The following ZNF780B variants were observed in gnomAD, a reference collection of about 807,000 sequenced individuals.
ZNF780B encodes the protein zinc finger protein 780B.
A neutral mutation model predicts 74.1 loss-of-function variants in ZNF780B; 52 were observed. The observed-to-expected ratio is 0.70, with a 90% CI of 0.56 to 0.88. The LOEUF (loss-of-function observed/expected upper bound fraction) is 0.88, where lower values mean the gene tolerates loss of function less well. ZNF780B is among the 40% of genes least tolerant of loss of function. ZNF780B has a pLI of 0.00. For synonymous variants in ZNF780B, 315 were observed against 324.3 expected (o/e 0.97, Z 0.31); for missense variants, 953 against 1,007.6 (o/e 0.95, Z 0.73).
chr19:40,030,431 C>T lies in ZNF780B; in HGVS notation c.*3926G>A, dbSNP rs1390914964. The T allele has an allele frequency of 6.6e-6, 1 of 152,166 alleles. No homozygotes were observed. Among genetic ancestry groups the T allele is most frequent in the Non-Finnish European group, 1.5e-5 (1 of 68,040 alleles). 9.4% of individuals were successfully genotyped at this position (152,166 alleles called of 1,614,324 possible). On this transcript the variant is annotated 3_prime_UTR_variant, in exon 5 of 5. Transcript: ENST00000434248. ...GGATCTTCTCCCATGACCCACACAC[C>T]TCCCATTAGGCCCCACCTCCAACAT...
intron 1 of ZNF780B, among the ~76,000 whole-genome samples, chr19:40,051,215 C>T (rs919403648): frequency 5.5e-5 from 8 of 144,750 alleles, no homozygotes; most frequent in African/African-American, 2.1e-4. Flanking sequence ...ATTATATTCA[C>T]ACACACACAC....
chr19:40,032,911 CATG>C lies in ZNF780B; in HGVS notation c.*1443_*1445del, dbSNP rs1327787101. The C allele has an allele frequency of 2.6e-5, 4 of 152,820 alleles. No homozygotes were observed. The highest frequency in any genetic ancestry group is 5.9e-5 in the Non-Finnish European group (4 of 68,092). 9.5% of individuals were successfully genotyped at this position (152,820 alleles called of 1,614,324 possible). On this transcript the variant is annotated 3_prime_UTR_variant, in exon 5 of 5. Coordinates refer to ENST00000434248, the MANE Select transcript of ZNF780B (RefSeq NM_001005851.3). ...GCTGATGTAACAAGGAGTAAAGTGT[CATG>C]ATATCTAAAACTTATTCTCAATGGT...
chr19:40,045,302 C>G (rs1021380739), intron 4 of ZNF780B, among the ~76,000 whole-genome samples: 9 of 151,956 alleles, frequency 5.9e-5, no homozygotes, highest in South Asian at 2.1e-4. Context: ...AGAAAATTAA[C>G]AAAGAAACAT....
chr19:40,038,420 G>A (rs946197188), intron 4 of ZNF780B, among the ~76,000 whole-genome samples: 1 of 151,874 alleles, frequency 6.6e-6, no homozygotes, highest in African/African-American at 2.4e-5. Flanking sequence ...AATCCTTTAG[G>A]TATATACACA....
rs1972051553 is a variant in ZNF780B at position 40,032,670 on chromosome 19, A to T, written c.*1687T>A. 6.5e-6 allele frequency: 1 copy of T among 153,342 alleles called. No individual in the cohort carries two copies. The highest frequency in any genetic ancestry group is 1.4e-5 in the Non-Finnish European group (1 of 70,086). The allele number at this position is 153,342 out of a possible 1,614,324, so 9.5% of individuals were successfully genotyped here. On this transcript the variant is annotated 3_prime_UTR_variant, in exon 5 of 5. Coordinates refer to ENST00000434248, the MANE Select transcript of ZNF780B (RefSeq NM_001005851.3). Reference sequence around the variant, plus strand: ...GAGGCAGAGCTTGCAGTGAGCCCAGATCGCACCACTGCACTCCAGTCTGGG... The same window carrying T: ...GAGGCAGAGCTTGCAGTGAGCCCAGTTCGCACCACTGCACTCCAGTCTGGG...
chr19:40,049,071 A>AAAAG (rs1002204662), intron 2 of ZNF780B: 7 of 379,644 alleles, frequency 1.8e-5, no homozygotes, highest in African/African-American at 1.3e-4. Flanking sequence ...AAAAAAAAAA[A>AAAAG]AAAGAAAGAA....
intron 1 of ZNF780B, chr19:40,055,642 G>A (rs1288527622): frequency 1.3e-5 from 2 of 152,142 alleles, no homozygotes; most frequent in Admixed American, 6.5e-5. Flanking sequence ...CTGGTTCCTG[G>A]GGACAGATCT....
intron 2 of ZNF780B, among the ~76,000 whole-genome samples, chr19:40,050,080 C>T (rs1452099082): frequency 6.6e-6 from 1 of 151,538 alleles, no homozygotes; most frequent in East Asian, 1.9e-4. Flanking sequence ...GCCTGTAGTC[C>T]CAGCTACTCG....
intron 4 of ZNF780B, among the ~76,000 whole-genome samples, chr19:40,044,924 G>C (rs1972861776): frequency 6.6e-6 from 1 of 152,124 alleles, no homozygotes; most frequent in Non-Finnish European, 1.5e-5. Context: ...GAAAAAACAT[G>C]ATCCAACTAT....
In ZNF780B at chr19:40,048,748, A is replaced by G; in HGVS notation, c.58T>C (p.Trp20Arg). Reference sequence around the variant, plus strand: ...CTCTGATCAGGCTGCAGGCACTCCCACTCCTCCTGAGAGAAGTCAATGGCC... The same window carrying G: ...CTCTGATCAGGCTGCAGGCACTCCCGCTCCTCCTGAGAGAAGTCAATGGCC... ...DVAIDFSQEE[W>R]ECLQPDQRTL... is the part of the protein sequence containing the mutation. Residue 20 changes from tryptophan to arginine, a missense_variant, in exon 3 of 5, where the codon TGG becomes CGG. By Grantham distance (101) the Trp-to-Arg change is moderately radical (BLOSUM62 -3). Coordinates refer to ENST00000434248, the MANE Select transcript of ZNF780B (RefSeq NM_001005851.3). 9 of 1,614,012 alleles carry G rather than the reference A, an allele frequency of 5.6e-6. No homozygotes were observed. Among genetic ancestry groups the G allele is most frequent in the South Asian group, 1.1e-5 (1 of 91,080 alleles).
intron 1 of ZNF780B, among the ~76,000 whole-genome samples, chr19:40,054,302 G>A (rs574874446): frequency 6.6e-6 from 1 of 152,284 alleles, no homozygotes; most frequent in African/African-American, 2.4e-5. Flanking sequence ...AGAGAAATAA[G>A]CTCAAGAAAT....
intron 1 of ZNF780B, among the ~76,000 whole-genome samples, chr19:40,051,297 CA>C (rs1973221424): frequency 6.6e-6 from 1 of 150,766 alleles, no homozygotes; most frequent in Non-Finnish European, 1.5e-5. Context: ...TGTACATACA[CA>C]TTTTTTTTCT....
rs1971960497 is a variant in ZNF780B at position 40,029,893 on chromosome 19, TTA to T, written c.*4462_*4463del. The T allele has an allele frequency of 6.6e-6, 1 of 152,188 alleles. No individual in the cohort carries two copies. The highest frequency in any genetic ancestry group is 2.4e-5 in the African/African-American group (1 of 41,432). 9.4% of individuals were successfully genotyped at this position (152,188 alleles called of 1,614,324 possible). A position where few individuals can be genotyped will look rare whatever the true frequency, so the allele number is the denominator to read the frequency against. ...TGTAAATGGATTCCTACTGGCCACA[TTA>T]TGTCAATTTGAGCATAAATAATAAT... is the stretch of plus-strand genomic sequence containing the variant. On this transcript the variant is annotated 3_prime_UTR_variant, in exon 5 of 5. Coordinates refer to ENST00000434248, the MANE Select transcript of ZNF780B (RefSeq NM_001005851.3).
chr19:40,038,931 C>T (rs570817972), intron 4 of ZNF780B, among the ~76,000 whole-genome samples: 1,738 of 152,020 alleles, frequency 0.011, 26 homozygotes, highest in African/African-American at 0.04. Flanking sequence ...TCCCATTTGT[C>T]AATTTTGGCT....
In ZNF780B at chr19:40,055,162, G is replaced by A. The variant is rs144930582; in HGVS notation, c.-46+1027C>T. ...TAAAGCTTTAATATAAACCTCTGGAGGACTATTTTTATACCAGCTTAGAAG... is the reference window on the plus strand; with the variant it reads ...TAAAGCTTTAATATAAACCTCTGGAAGACTATTTTTATACCAGCTTAGAAG... On this transcript the variant is annotated intron_variant, in intron 1 of 4. Coordinates refer to ENST00000434248, the MANE Select transcript of ZNF780B (RefSeq NM_001005851.3). Among the ~76,000 whole-genome samples the A allele has an allele frequency of 1.2e-3, 175 of 152,106 alleles. 1 individual carries two copies. The highest frequency in any genetic ancestry group is 4.0e-3 in the African/African-American group (168 of 41,504).
intron 4 of ZNF780B, among the ~76,000 whole-genome samples, chr19:40,037,034 C>T (rs911843515): frequency 3.3e-5 from 5 of 151,894 alleles, no homozygotes; most frequent in Admixed American, 2.6e-4. Context: ...TCAGCCTCAG[C>T]CTCCAGAGTA....
At chr19:40,048,193 G>T (rs1461762651) in intron 3 of ZNF780B, among the ~76,000 whole-genome samples, 1 of 152,152 alleles carries the variant, frequency 6.6e-6, no homozygotes, top group Non-Finnish European at 1.5e-5. Context: ...TGCCCAGGCT[G>T]AAGTACAGTG....
rs1248488308 is a variant in ZNF780B, at chr19:40,034,129, T to C, written c.*228A>G. On this transcript the variant is annotated 3_prime_UTR_variant, in exon 5 of 5. Coordinates refer to ENST00000434248, the MANE Select transcript of ZNF780B (RefSeq NM_001005851.3). ...TTTCTCATCAGTATGAATTTTAACA[T>C]GTTTAACAGGTTTGAACTATGACTA... 5 of 600,444 alleles carry C rather than the reference T, an allele frequency of 8.3e-6. No homozygotes were observed. The highest frequency in any genetic ancestry group is 6.3e-5 in the South Asian group (3 of 47,810). 37.2% of individuals were successfully genotyped at this position (600,444 alleles called of 1,614,324 possible). A position where few individuals can be genotyped will look rare whatever the true frequency, so the allele number is the denominator to read the frequency against.
At chr19:40,053,671 A>G (rs1024748456) in intron 1 of ZNF780B, among the ~76,000 whole-genome samples, 9 of 152,236 alleles carry the variant, frequency 5.9e-5, no homozygotes, top group Admixed American at 3.9e-4. Flanking sequence ...CTGTCTATCA[A>G]TGAATGGATA....
Sources: allele counts gnomAD v4.1 joint callset (sites outside exome capture counted in the v4.1 genomes callset), GRCh38; gene constraint gnomAD v4.1.1; transcripts MANE v1.5; gene names NCBI Gene and HGNC (gene_info 2026-07-23, HGNC 2026-07-21).